Variants in RPGR observed in about 807,000 individuals in gnomAD.
RPGR encodes X-linked retinitis pigmentosa GTPase regulator.
In RPGR, 10 loss-of-function variants were observed where a neutral mutation model predicts 56.3. That is an observed-to-expected ratio of 0.18 (90% CI 0.11 to 0.30). The LOEUF (loss-of-function observed/expected upper bound fraction) is 0.30. Ranked by LOEUF, RPGR falls within the 10% of genes least tolerant of loss-of-function variation. The pLI is 1.00. For synonymous variants in RPGR, 197 were observed against 212.9 expected (o/e 0.93, Z 0.65); for missense variants, 538 against 590.9 (o/e 0.91, Z 0.93).
In RPGR at chrX:38,299,054, T is replaced by A. The variant is rs2067450541; in HGVS notation, c.1147A>T (p.Thr383Ser). ...AGAAAAGTCGCCACAGATAAGCAAG[T>A]ATCATTTATTTCATCGAATTCAATT... Residue 383 changes from threonine to serine, a missense_variant, in exon 10 of 19, where the codon ACT (threonine) becomes TCT (serine). Physicochemically the swap from Thr to Ser is moderately conservative, Grantham distance 58. This residue lies in a region of RPGR where 357 missense variants were observed against 325.8 expected (regional missense o/e 1.10). Coordinates refer to ENST00000642395, the MANE Select transcript of RPGR (RefSeq NM_000328.3). 3 of 1,211,394 alleles carry A rather than the reference T, an allele frequency of 2.5e-6. No homozygotes were observed. Among genetic ancestry groups the A allele is most frequent in the Admixed American group, 4.4e-5 (2 of 45,967 alleles).
rs187807093 is a variant in RPGR, at chrX:38,269,357, A to T, written c.*269T>A. ...GAAATATCTTATTTCAATTTTCCAC[A>T]TATAAAAATATATTTTTTATTGCAA... is the stretch of plus-strand genomic sequence containing the variant. On this transcript the variant is annotated 3_prime_UTR_variant, in exon 19 of 19. Transcript: ENST00000642395. 2.5e-4 allele frequency: 46 copies of T among 187,206 alleles called. No individual in the cohort carries two copies. Among genetic ancestry groups the T allele is most frequent in the Middle Eastern group, 1.8e-3 (1 of 545 alleles). The allele number at this position is 187,206 out of a possible 1,213,427, so 15.4% of individuals were successfully genotyped here.
At position 38,291,012 on chromosome X, in the gene RPGR, T is replaced by C. The variant is rs772557101; in HGVS notation, c.1519A>G (p.Ser507Gly). The C allele has an allele frequency of 1.1e-5, 11 of 1,022,047 alleles. No homozygotes were observed. In the East Asian group the frequency reaches 3.7e-4, roughly 34 times the overall value. 84.2% of individuals were successfully genotyped at this position (1,022,047 alleles called of 1,213,427 possible). A position where few individuals can be genotyped will look rare whatever the true frequency, so the allele number is the denominator to read the frequency against. ...AATGACTTTTCATTGGAATTCAGGC[T>C]CATGATGTGTGTCTGAAATAAATAA... is the stretch of plus-strand genomic sequence containing the variant. Residue 507 changes from serine to glycine, a missense_variant, in exon 13 of 19, where the codon AGC becomes GGC. Around this residue, in one of 2 missense-constraint regions of RPGR, gnomAD observed 357 missense variants for 325.8 expected, o/e 1.10. Transcript: ENST00000642395.
intron 6 of RPGR, among the ~76,000 whole-genome samples, chrX:38,316,504 A>G (rs1027617056): frequency 2.7e-5 from 3 of 111,954 alleles, no homozygotes; most frequent in Non-Finnish European, 5.6e-5. Context: ...TTTTTGTTTC[A>G]TGAACAAAGC....
chrX:38,292,733 T>A lies in RPGR; in HGVS notation c.1415-1249A>T, dbSNP rs190467754. 1.9e-3 allele frequency among the ~76,000 whole-genome samples: 218 copies of A among 112,549 alleles called. 1 individual carries two copies. Among genetic ancestry groups the A allele is most frequent in the Middle Eastern group, 4.6e-3 (1 of 219 alleles). On this transcript the variant is annotated intron_variant, in intron 11 of 18. Coordinates refer to ENST00000642395, the MANE Select transcript of RPGR (RefSeq NM_000328.3). ...AATTTTGTTGTTTGCTGTTAAAAAA[T>A]TGTAATTGCTATTTCTTAATGAAGT...
intron 15 of RPGR, 116 bp downstream of exon 15, chrX:38,284,292 T>G (rs892657411): frequency 5.6e-6 from 1 of 179,361 alleles, no homozygotes; most frequent in Admixed American, 9.4e-5. Context: ...AGCTGCATTA[T>G]GTACACGGAA....
intron 9 of RPGR, among the ~76,000 whole-genome samples, chrX:38,300,447 C>T (rs1471175868): frequency 8.9e-6 from 1 of 111,973 alleles, no homozygotes; most frequent in East Asian, 2.8e-4. Context: ...AGAAACAATA[C>T]AGGTATGATG....
chrX:38,312,196 C>A (rs72619450), intron 6 of RPGR, among the ~76,000 whole-genome samples: 13,219 of 111,057 alleles, frequency 0.12, 919 homozygotes, highest in East Asian at 0.58. Context: ...TTATGGACCA[C>A]AGTTTTCTAT....
chrX:38,302,817 C>CT (rs564921076), intron 8 of RPGR: 33,415 of 85,053 alleles, frequency 0.39, 5,281 homozygotes, highest in South Asian at 0.69. Context: ...TTTTTTTTTT[C>CT]TTTTTTTTTT....
chrX:38,302,920 C>T (rs886833723), intron 8 of RPGR, among the ~76,000 whole-genome samples: 6 of 107,185 alleles, frequency 5.6e-5, no homozygotes, highest in Non-Finnish European at 7.7e-5. Flanking sequence ...AAGTGATTCT[C>T]CTGCCTCAGC....
chrX:38,317,287 T>TA, intron 6 of RPGR, 29 bp downstream of exon 6: 1 of 1,181,076 alleles, frequency 8.5e-7, no homozygotes, highest in East Asian at 3.0e-5. Flanking sequence ...AAGTGGGAGA[T>TA]AACATGATGA....
At chrX:38,287,330 T>A (rs1280515661) in intron 14 of RPGR, 85 bp from the exon 15 acceptor site, 1 of 1,176,700 alleles carries the variant, frequency 8.5e-7, no homozygotes, top group Admixed American at 2.2e-5. Flanking sequence ...CCTTGTTCAA[T>A]CAATTTCCTG....
intron 6 of RPGR, among the ~76,000 whole-genome samples, chrX:38,316,718 T>C (rs1404792879): frequency 1.8e-5 from 2 of 111,798 alleles, no homozygotes; most frequent in Admixed American, 9.6e-5. Flanking sequence ...CTTGGTATCA[T>C]GCTGCTACCA....
chrX:38,290,121 A>G (rs2067256142), intron 13 of RPGR, among the ~76,000 whole-genome samples: 1 of 112,642 alleles, frequency 8.9e-6, no homozygotes, highest in South Asian at 3.6e-4. Flanking sequence ...TTAACAATTT[A>G]GTATGATTCT....
At chrX:38,276,965 C>T (rs868528987) in intron 15 of RPGR, among the ~76,000 whole-genome samples, 6 of 111,378 alleles carry the variant, frequency 5.4e-5, no homozygotes, top group African/African-American at 9.8e-5. Context: ...AAGGATTTTA[C>T]GCATGCCACT....
At chrX:38,294,798 T>A (rs903938176) in intron 11 of RPGR, among the ~76,000 whole-genome samples, 1 of 112,520 alleles carries the variant, frequency 8.9e-6, no homozygotes, top group African/African-American at 3.2e-5. Context: ...GCAAGTCCGG[T>A]TGGTTTTTAT....
rs1490761121 is a variant in RPGR at position 38,287,222 on chromosome X, C to T, written c.1777G>A (p.Ala593Thr). ...ATTCCATTTCCTTTTGAATCCTCTG[C>T]TCCTTCCTTCTCCTCTGGGATCTCT... The change falls in exon 15 of 19, where the codon GCA becomes ACA. Residue 593 changes from alanine (A) to threonine (T), a missense_variant. Around this residue, in one of 2 missense-constraint regions of RPGR, gnomAD observed 357 missense variants for 325.8 expected, o/e 1.10. Coordinates refer to ENST00000642395, the MANE Select transcript of RPGR (RefSeq NM_000328.3). 8 of 1,208,272 alleles carry T rather than the reference C, an allele frequency of 6.6e-6. No individual in the cohort carries two copies. Among genetic ancestry groups the T allele is most frequent in the East Asian group, 3.0e-5 (1 of 33,774 alleles).
At chrX:38,269,987 T>TA (rs2066808063) in intron 18 of RPGR, among the ~76,000 whole-genome samples, 1 of 111,831 alleles carries the variant, frequency 8.9e-6, no homozygotes, top group Non-Finnish European at 1.9e-5. Flanking sequence ...TAGCATCTGT[T>TA]AGAGTTTTTC....
At chrX:38,317,704 C>T in intron 5 of RPGR, 1 of 327,652 alleles carries the variant, frequency 3.1e-6, no homozygotes, top group Non-Finnish European at 5.3e-6. Context: ...TAAGTCCTGA[C>T]CATATTTTTA....
At chrX:38,271,826 C>T (rs1479138048) in intron 18 of RPGR, among the ~76,000 whole-genome samples, 1 of 112,207 alleles carries the variant, frequency 8.9e-6, no homozygotes, top group Non-Finnish European at 1.9e-5. Flanking sequence ...AAGCAACACA[C>T]ATTTAGACTG....
Sources: gnomAD v4.1 joint callset for allele counts (sites outside exome capture counted in the v4.1 genomes callset) on GRCh38, gnomAD v4.1.1 for gene constraint, gnomAD v4.1.1 regional missense constraint, MANE v1.5 for transcripts, NCBI Gene and HGNC (gene_info 2026-07-23, HGNC 2026-07-21) for gene names.